PTPRK: variants seen among roughly 807,000 people sequenced by gnomAD.
The protein encoded by PTPRK is receptor-type tyrosine-protein phosphatase kappa.
A neutral mutation model predicts 178.0 loss-of-function variants in PTPRK; 75 were observed. That is an observed-to-expected ratio of 0.42 (90% CI 0.35 to 0.51). The LOEUF (loss-of-function observed/expected upper bound fraction) is 0.51, where lower values mean the gene tolerates loss of function less well. PTPRK is among the 20% of genes least tolerant of loss of function. The pLI is 0.02. For missense variants in PTPRK, 1,441 were observed against 1,797.8 expected (o/e 0.80, Z 3.59); for synonymous variants, 637 against 620.6 (o/e 1.03, Z -0.39).
chr6:128,287,944 T>A (rs1047926849), intron 3 of PTPRK, among the ~76,000 whole-genome samples: 8 of 152,124 alleles, frequency 5.3e-5, no homozygotes, highest in African/African-American at 1.7e-4. Flanking sequence ...GTCCAAACAT[T>A]CTCTTCTTAT....
intron 29 of PTPRK, among the ~76,000 whole-genome samples, chr6:127,971,733 TA>T (rs1773923686): frequency 6.6e-6 from 1 of 151,940 alleles, no homozygotes. Context: ...TTTTTTTAAT[TA>T]AAAAAGGTGG....
chr6:128,468,171 T>C (rs933494573), intron 1 of PTPRK, among the ~76,000 whole-genome samples: 1 of 152,290 alleles, frequency 6.6e-6, no homozygotes, highest in East Asian at 1.9e-4. Context: ...ACTATTCTGA[T>C]TAGAGAAATC....
At chr6:128,135,153 T>C (rs1794843023) in intron 7 of PTPRK, among the ~76,000 whole-genome samples, 1 of 151,798 alleles carries the variant, frequency 6.6e-6, no homozygotes, top group East Asian at 1.9e-4. Context: ...TGGAGGACCC[T>C]AATATATCAC....
At chr6:128,050,123 T>C (rs1778752500) in intron 13 of PTPRK, among the ~76,000 whole-genome samples, 1 of 147,558 alleles carries the variant, frequency 6.8e-6, no homozygotes, top group African/African-American at 2.7e-5. Flanking sequence ...GCAACAACAG[T>C]GAAATTCCGC....
intron 7 of PTPRK, among the ~76,000 whole-genome samples, chr6:128,152,449 G>A (rs548155451): frequency 1.3e-5 from 2 of 152,018 alleles, no homozygotes; most frequent in East Asian, 3.9e-4. Flanking sequence ...ACCCTAGCTG[G>A]AGTGAGTACA....
intron 2 of PTPRK, 141 bp downstream of exon 2, chr6:128,397,425 T>A: frequency 1.1e-6 from 1 of 923,270 alleles, no homozygotes; most frequent in Non-Finnish European, 1.6e-6. Context: ...AGGCAAAGAA[T>A]AAGGCTCTTA....
At chr6:128,350,824 C>CAA (rs922782109) in intron 2 of PTPRK, among the ~76,000 whole-genome samples, 3 of 152,082 alleles carry the variant, frequency 2.0e-5, no homozygotes, top group African/African-American at 7.2e-5. Flanking sequence ...TTTCAATGTG[C>CAA]AAACCATATT....
At chr6:128,074,394 T>A (rs1476817151) in intron 11 of PTPRK, among the ~76,000 whole-genome samples, 3 of 152,024 alleles carry the variant, frequency 2.0e-5, no homozygotes, top group African/African-American at 7.2e-5. Flanking sequence ...CTATATTGGG[T>A]CAATCTTTTA....
intron 3 of PTPRK, among the ~76,000 whole-genome samples, chr6:128,268,147 T>C (rs1164820533): frequency 6.6e-6 from 1 of 152,022 alleles, no homozygotes; most frequent in African/African-American, 2.4e-5. Context: ...GAAATAATCA[T>C]TATGTCAAAT....
At chr6:128,349,638 CA>C (rs965430169) in intron 2 of PTPRK, among the ~76,000 whole-genome samples, 265 of 138,740 alleles carry the variant, frequency 1.9e-3, no homozygotes, top group African/African-American at 6.2e-3. Context: ...TCACACCGTT[CA>C]AAAAAAAAAG....
At chr6:128,243,488 T>TAAAAAAAAAAAAAA (rs760606919) in intron 3 of PTPRK, among the ~76,000 whole-genome samples, 4 of 59,126 alleles carry the variant, frequency 6.8e-5, no homozygotes, top group Non-Finnish European at 1.5e-4. Flanking sequence ...AGCCTGTCGC[T>TAAAAAAAAAAAAAA]AAAAAAAAAA....
chr6:128,219,180 T>C (rs1196933040), intron 5 of PTPRK, 84 bp from the exon 6 acceptor site: 101 of 1,266,324 alleles, frequency 8.0e-5, no homozygotes, highest in Non-Finnish European at 1.0e-4. Flanking sequence ...ATATCTGTGA[T>C]AAATTATTCT....
chr6:128,460,141 G>A (rs1027352761), intron 1 of PTPRK, among the ~76,000 whole-genome samples: 1 of 152,204 alleles, frequency 6.6e-6, no homozygotes, highest in African/African-American at 2.4e-5. Flanking sequence ...TTGAACATGA[G>A]ATTTGGGTGG....
At chr6:127,983,851 C>T (rs1254394147) in intron 22 of PTPRK, among the ~76,000 whole-genome samples, 1 of 151,582 alleles carries the variant, frequency 6.6e-6, no homozygotes, top group Non-Finnish European at 1.5e-5. Flanking sequence ...AATTAATTCC[C>T]AAAACTTTAA....
intron 3 of PTPRK, among the ~76,000 whole-genome samples, chr6:128,304,236 A>G (rs1457423527): frequency 6.6e-6 from 1 of 152,200 alleles, no homozygotes; most frequent in Admixed American, 6.5e-5. Context: ...TTTATGAGAG[A>G]AAGTATTTTA....
intron 5 of PTPRK, among the ~76,000 whole-genome samples, chr6:128,226,068 G>A (rs1004116652): frequency 6.6e-6 from 1 of 152,106 alleles, no homozygotes; most frequent in Non-Finnish European, 1.5e-5. Context: ...CCAATAAGAG[G>A]AGCCACACGG....
At chr6:128,116,759 T>C (rs1011249712) in intron 7 of PTPRK, among the ~76,000 whole-genome samples, 2 of 152,316 alleles carry the variant, frequency 1.3e-5, no homozygotes, top group East Asian at 3.9e-4. Context: ...ATCTGTAAAA[T>C]GCAGGTAGAG....
intron 7 of PTPRK, among the ~76,000 whole-genome samples, chr6:128,138,211 T>C (rs1795286350): frequency 6.6e-6 from 1 of 152,142 alleles, no homozygotes; most frequent in African/African-American, 2.4e-5. Context: ...ATTTTCACTA[T>C]AAATACTGGA....
chr6:128,347,699 A>T (rs1832601409), intron 2 of PTPRK, among the ~76,000 whole-genome samples: 1 of 152,120 alleles, frequency 6.6e-6, no homozygotes, highest in Admixed American at 6.6e-5. Context: ...TTCCTCGTGT[A>T]AAACATGGTT....
Sources: gnomAD v4.1 joint callset for allele counts (sites outside exome capture counted in the v4.1 genomes callset) on GRCh38, gnomAD v4.1.1 for gene constraint, MANE v1.5 for transcripts, NCBI Gene and HGNC (gene_info 2026-07-23, HGNC 2026-07-21) for gene names.